Variants in DPH6 observed in about 807,000 individuals in gnomAD.
DPH6 encodes diphthine--ammonia ligase.
In DPH6, 33 loss-of-function variants were observed where a neutral mutation model predicts 38.2. That is an observed-to-expected ratio of 0.86 (90% confidence interval 0.65 to 1.15). The LOEUF is 1.15. Among genes scored for constraint, DPH6 ranks in the 50% most tolerant of loss-of-function variants. The pLI, the probability that DPH6 is intolerant of heterozygous loss-of-function variation, is 0.00. For synonymous variants in DPH6, 108 were observed against 103.0 expected (o/e 1.05, Z -0.30); for missense variants, 325 against 320.0 (o/e 1.02, Z -0.12).
intron 3 of DPH6, among the ~76,000 whole-genome samples, chr15:35,308,493 A>G (rs1230210471): frequency 2.0e-5 from 3 of 152,164 alleles, no homozygotes; most frequent in African/African-American, 7.2e-5. Flanking sequence ...GGAAGACCTG[A>G]GGAAGGCAGG....
the DPH6 span, among the ~76,000 whole-genome samples, chr15:35,193,981 T>G: frequency 6.6e-6 from 1 of 152,186 alleles, no homozygotes; most frequent in Non-Finnish European, 1.5e-5. Context: ...CTTATTCTGA[T>G]GTTTAGCTTT....
intron 3 of DPH6, among the ~76,000 whole-genome samples, chr15:35,361,609 CTTCT>C (rs147177409): frequency 6.6e-5 from 10 of 150,832 alleles, no homozygotes; most frequent in East Asian, 2.0e-4. Context: ...TTTCTTCACT[CTTCT>C]TTCTTTTTTT....
intron 3 of DPH6, among the ~76,000 whole-genome samples, chr15:35,509,727 T>A (rs1314208529): frequency 6.6e-6 from 1 of 152,234 alleles, no homozygotes; most frequent in African/African-American, 2.4e-5. Context: ...AATCTATGCT[T>A]AATATTTTTT....
At chr15:35,282,278 C>T (rs1043785059) in intron 3 of DPH6, among the ~76,000 whole-genome samples, 2 of 152,084 alleles carry the variant, frequency 1.3e-5, no homozygotes, top group African/African-American at 4.8e-5. Flanking sequence ...CCCAAGCAAT[C>T]CTCCTGCCTC....
intron 3 of DPH6, among the ~76,000 whole-genome samples, chr15:35,231,307 A>G (rs1047404408): frequency 1.3e-5 from 2 of 152,204 alleles, no homozygotes; most frequent in Non-Finnish European, 2.9e-5. Context: ...ACTGAGTTCA[A>G]TGCCTTACAA....
At chr15:35,213,262 T>C (rs538647734), downstream of DPH6, among the ~76,000 whole-genome samples, 1 of 152,310 alleles carries the variant, frequency 6.6e-6, no homozygotes, top group Non-Finnish European at 1.5e-5. Flanking sequence ...AAGCTTCTCT[T>C]TGCATTCAAC....
intron 5 of DPH6, among the ~76,000 whole-genome samples, chr15:35,425,238 T>C (rs1190319446): frequency 6.6e-6 from 1 of 151,632 alleles, no homozygotes; most frequent in East Asian, 1.9e-4. Context: ...ATGGTATTTG[T>C]ATTAAGGTAC....
At chr15:35,458,992 AC>A (rs1354951726) in intron 3 of DPH6, among the ~76,000 whole-genome samples, 1 of 152,216 alleles carries the variant, frequency 6.6e-6, no homozygotes, top group Admixed American at 6.5e-5. Flanking sequence ...CAATGTTTCT[AC>A]CTTAAATGAC....
intron 3 of DPH6, among the ~76,000 whole-genome samples, chr15:35,231,598 C>T (rs1162430088): frequency 6.6e-6 from 1 of 152,146 alleles, no homozygotes; most frequent in African/African-American, 2.4e-5. Flanking sequence ...CTTGCTCCAC[C>T]CATCTCTGTA....
intron 6 of DPH6, among the ~76,000 whole-genome samples, chr15:35,397,183 T>C (rs2053144948): frequency 6.6e-6 from 1 of 152,222 alleles, no homozygotes; most frequent in South Asian, 2.1e-4. Context: ...GGTTTAGCTC[T>C]TACAGCACCC....
chr15:35,335,819 A>G (rs1392253739), intron 3 of DPH6, among the ~76,000 whole-genome samples: 2 of 152,134 alleles, frequency 1.3e-5, no homozygotes, highest in African/African-American at 4.8e-5. Context: ...GTATAGCACA[A>G]TGCCTCCAGC....
the DPH6 span, among the ~76,000 whole-genome samples, chr15:35,177,240 GGATTTAGCAGAT>G: frequency 6.6e-6 from 1 of 152,046 alleles, no homozygotes; most frequent in East Asian, 1.9e-4. Context: ...TCAAAGTCAT[GGATTTAGCAGAT>G]GTTGACTGTA....
Position 35,242,141 on chromosome 15 carries a change from GCTTCACA to G in DPH6, n.201-21566_201-21560del, listed in dbSNP as rs1161786387. 5.5e-5 allele frequency among the ~76,000 whole-genome samples: 8 copies of G among 144,676 alleles called. 1 individual carries two copies. The highest frequency in any genetic ancestry group is 7.6e-5 in the Non-Finnish European group (5 of 65,738). The allele number at this position is 144,676 out of a possible 152,430, so 94.9% of individuals were successfully genotyped here. ...ATTACCTGGGCTGTACCGCCGCAAA[GCTTCACA>G]GACAGCCCCCATTACTTCAGTCAAG... On this transcript the variant is annotated intron_variant and non_coding_transcript_variant, in intron 3 of 3. Coordinates refer to the DPH6 transcript ENST00000560386.
downstream of DPH6, among the ~76,000 whole-genome samples, chr15:35,214,811 T>C (rs1375545192): frequency 1.3e-5 from 2 of 152,182 alleles, no homozygotes; most frequent in African/African-American, 4.8e-5. Flanking sequence ...TTTCACCATG[T>C]TGGCCAGGCT....
rs1326283561 is a variant in DPH6 at position 35,218,313 on chromosome 15, ATAAG to A, written n.2466_2469del. The A allele has an allele frequency of 2.2e-4, 34 of 152,342 alleles. 1 individual carries two copies. Among genetic ancestry groups the A allele is most frequent in the Admixed American group, 2.2e-3 (34 of 15,292 alleles). 9.4% of individuals were successfully genotyped at this position (152,342 alleles called of 1,614,324 possible). A position where few individuals can be genotyped will look rare whatever the true frequency, so the allele number is the denominator to read the frequency against. ...CTTTTTCTAAGGGTGATTTAAGTCA[ATAAG>A]TAATAAGCTAAATCTTTGTTATGAA... On this transcript the variant is annotated non_coding_transcript_exon_variant, in exon 4 of 4. Coordinates refer to the DPH6 transcript ENST00000560386.
intron 3 of DPH6, among the ~76,000 whole-genome samples, chr15:35,310,850 G>A (rs947673545): frequency 1.3e-5 from 2 of 150,404 alleles, no homozygotes; most frequent in Non-Finnish European, 3.0e-5. Context: ...GGGAGTTTGA[G>A]ACCAGCCTGA....
At position 35,454,232 on chromosome 15, in the gene DPH6, G is replaced by A. The variant is rs151242198; in HGVS notation, c.386+515C>T. 1.1e-4 allele frequency among the ~76,000 whole-genome samples: 17 copies of A among 152,202 alleles called. No individual in the cohort carries two copies. In the East Asian group the frequency reaches 3.1e-3, roughly 28 times the overall value. On this transcript the variant is annotated intron_variant, in intron 4 of 8. Transcript: ENST00000256538. The stretch of plus-strand genomic sequence containing the variant: ...CCCTTAGGGGAGTAGAGACGGGCTA[G>A]GACGAGGGGAGGAACATCCTAAAAA...
At chr15:35,255,653 C>T (rs138621785) in intron 3 of DPH6, among the ~76,000 whole-genome samples, 1 of 152,172 alleles carries the variant, frequency 6.6e-6, no homozygotes, top group African/African-American at 2.4e-5. Context: ...AATATTCTAA[C>T]GTGTTGCCAC....
chr15:35,474,208 C>A (rs563074453), intron 3 of DPH6, among the ~76,000 whole-genome samples: 2 of 152,062 alleles, frequency 1.3e-5, no homozygotes, highest in African/African-American at 4.8e-5. Context: ...AAACTGCTTT[C>A]TAAACCAAGT....
Sources: allele counts gnomAD v4.1 joint callset (sites outside exome capture counted in the v4.1 genomes callset), GRCh38; gene constraint gnomAD v4.1.1; transcripts MANE v1.5; gene names NCBI Gene and HGNC (gene_info 2026-07-23, HGNC 2026-07-21).